SCN2A: variants seen among roughly 807,000 people sequenced by gnomAD.
SCN2A encodes sodium channel protein type 2 subunit alpha.
SCN2A carries 20 observed loss-of-function variants against 188.7 expected under a neutral mutation model. The ratio of observed to expected loss-of-function variants is 0.11; its 90% CI spans 0.07 to 0.15. The LOEUF is 0.15. Among genes scored for constraint, SCN2A ranks in the 10% least tolerant of loss-of-function variants. The pLI is 1.00. For synonymous variants in SCN2A, 804 were observed against 833.1 expected (o/e 0.97, Z 0.60); for missense variants, 1,278 against 2,445.0 (o/e 0.52, Z 10.07).
intron 1 of SCN2A, among the ~76,000 whole-genome samples, chr2:165,257,583 G>C (rs1694384044): frequency 6.6e-6 from 1 of 152,066 alleles, no homozygotes; most frequent in Admixed American, 6.5e-5. Flanking sequence ...CTGTCACCCA[G>C]GCTGGAGTGC....
chr2:165,341,232 T>A (rs535783285), intron 14 of SCN2A, among the ~76,000 whole-genome samples: 101 of 152,272 alleles, frequency 6.6e-4, no homozygotes, highest in African/African-American at 2.2e-3. Context: ...TAGCTAAGAC[T>A]ACAGGCGCCC....
intron 1 of SCN2A, among the ~76,000 whole-genome samples, chr2:165,247,551 G>T (rs546359918): frequency 1.3e-5 from 2 of 152,136 alleles, no homozygotes; most frequent in South Asian, 2.1e-4. Flanking sequence ...ACTGCCTTCC[G>T]TTGGATTTCA....
chr2:165,295,008 T>A (rs1381323393), intron 1 of SCN2A, among the ~76,000 whole-genome samples: 3 of 152,214 alleles, frequency 2.0e-5, no homozygotes, highest in African/African-American at 7.2e-5. Flanking sequence ...ACTGCAAATG[T>A]GTTAATTTAA....
intron 1 of SCN2A, among the ~76,000 whole-genome samples, chr2:165,262,329 T>G (rs1457849973): frequency 6.6e-6 from 1 of 152,166 alleles, no homozygotes; most frequent in Non-Finnish European, 1.5e-5. Context: ...ACCCAAGCAG[T>G]GTACACTGTA....
rs927855958 is a variant in SCN2A, at chr2:165,277,723, A to G, written c.-51-18050A>G. 2.6e-4 allele frequency among the ~76,000 whole-genome samples: 40 copies of G among 152,190 alleles called. 1 individual carries two copies. Among genetic ancestry groups the G allele is most frequent in the African/African-American group, 9.7e-4 (40 of 41,438 alleles). Reference sequence around the variant, plus strand: ...GCCTGGTCTGTTTTAATTTACTTCAACATATTTTATCAACATTTTGCTTTC... The same window carrying G: ...GCCTGGTCTGTTTTAATTTACTTCAGCATATTTTATCAACATTTTGCTTTC... On this transcript the variant is annotated intron_variant, in intron 1 of 26. Coordinates refer to ENST00000375437, the MANE Select transcript of SCN2A (RefSeq NM_001040142.2).
intron 1 of SCN2A, among the ~76,000 whole-genome samples, chr2:165,252,272 T>C (rs1694129701): frequency 6.6e-6 from 1 of 152,072 alleles, no homozygotes; most frequent in Non-Finnish European, 1.5e-5. Flanking sequence ...CTTAATACTT[T>C]GGAAAAAGTA....
In SCN2A at chr2:165,258,899, C is replaced by T. The variant is rs556840878; in HGVS notation, c.-52+19259C>T. 1.1e-4 allele frequency among the ~76,000 whole-genome samples: 16 copies of T among 152,176 alleles called. No individual in the cohort carries two copies. In the South Asian group the frequency reaches 3.3e-3, roughly 32 times the overall value. ...GCTAAACAGTGAGAACTCATGGACA[C>T]AAAGAGGGGAACAATAGGCACTGGG... On this transcript the variant is annotated intron_variant, in intron 1 of 26. Transcript: ENST00000375437.
intron 23 of SCN2A, among the ~76,000 whole-genome samples, chr2:165,377,995 T>C (rs1701399796): frequency 1.3e-5 from 2 of 151,822 alleles, no homozygotes; most frequent in South Asian, 4.1e-4. Flanking sequence ...TTTTTATCTG[T>C]AATATATTTC....
intron 17 of SCN2A, among the ~76,000 whole-genome samples, chr2:165,359,581 C>T (rs191919732): frequency 2.0e-5 from 3 of 152,046 alleles, no homozygotes; most frequent in Non-Finnish European, 4.4e-5. Context: ...TGTCCACTTC[C>T]TAAAAAAATA....
intron 23 of SCN2A, among the ~76,000 whole-genome samples, 181 bp from the exon 24 acceptor site, chr2:165,380,411 G>A (rs1701540849): frequency 1.3e-5 from 2 of 151,720 alleles, no homozygotes; most frequent in African/African-American, 4.8e-5. Context: ...CCCAGGTAAT[G>A]AATAGTCTTG....
chr2:165,366,425 CG>C (rs1466505202), intron 18 of SCN2A, among the ~76,000 whole-genome samples: 21 of 152,008 alleles, frequency 1.4e-4, no homozygotes, highest in Non-Finnish European at 2.9e-5. Context: ...TTAAAGCAAA[CG>C]AAGTATTCAA....
intron 1 of SCN2A, among the ~76,000 whole-genome samples, chr2:165,265,471 C>CCA (rs1553560051): frequency 2.8e-4 from 8 of 29,020 alleles, no homozygotes; most frequent in Non-Finnish European, 3.9e-4. Context: ...CTCTGTTGAT[C>CCA]TATATATATA....
intron 11 of SCN2A, among the ~76,000 whole-genome samples, chr2:165,321,633 G>A (rs552165337): frequency 3.9e-5 from 6 of 152,298 alleles, no homozygotes; most frequent in Admixed American, 3.9e-4. Context: ...CAGGCAAAGA[G>A]AGAGTGAGAG....
Position 165,391,525 on chromosome 2 carries a change from C to G in SCN2A, c.*1701C>G, listed in dbSNP as rs569777933. 7.2e-5 allele frequency: 11 copies of G among 152,574 alleles called. No homozygotes were observed. The highest frequency in any genetic ancestry group is 2.4e-4 in the African/African-American group (10 of 41,534). The allele number at this position is 152,574 out of a possible 1,614,324, so 9.5% of individuals were successfully genotyped here. ...CACTTCACAAAATAAGAAGCAAGGA[C>G]TAGGATGCAGTGTAGGTTTCTGCTT... On this transcript the variant is annotated 3_prime_UTR_variant, in exon 27 of 27. Transcript: ENST00000375437.
rs1285000878 is a variant in SCN2A at position 165,315,847 on chromosome 2, C to G, written c.1671+89C>G. ...TAATGGAGAGAAAACCGCCTTCCAC[C>G]TGGATGGCACAATGCTTTCAGAGTA... On this transcript the variant is annotated intron_variant, in intron 11 of 26. Transcript: ENST00000375437. The G allele has an allele frequency of 4.4e-6, 6 of 1,354,014 alleles. No homozygotes were observed. In the African/African-American group the frequency reaches 7.3e-5, roughly 16 times the overall value. The allele number at this position is 1,354,014 out of a possible 1,614,324, so 83.9% of individuals were successfully genotyped here.
chr2:165,344,475 T>C (rs1559376525), intron 15 of SCN2A, 80 bp from the exon 16 acceptor site: 5 of 884,668 alleles, frequency 5.7e-6, no homozygotes, highest in Non-Finnish European at 7.7e-6. Context: ...AAATAAAAAA[T>C]AAAAAAATAA....
intron 4 of SCN2A, 90 bp downstream of exon 4, chr2:165,308,027 A>G: frequency 1.1e-6 from 1 of 877,466 alleles, no homozygotes; most frequent in Non-Finnish European, 1.9e-6. Context: ...TCTTTAACAA[A>G]TCATGCTAGC....
At chr2:165,291,450 C>CTT (rs1199834886) in intron 1 of SCN2A, among the ~76,000 whole-genome samples, 1 of 27,110 alleles carries the variant, frequency 3.7e-5, no homozygotes, top group Admixed American at 4.3e-4. Context: ...TTCTTTCTTT[C>CTT]TTTCTTTCTT....
intron 1 of SCN2A, among the ~76,000 whole-genome samples, chr2:165,242,950 C>T (rs749988769): frequency 1.3e-5 from 2 of 152,104 alleles, no homozygotes; most frequent in Non-Finnish European, 2.9e-5. Flanking sequence ...CAGTTTGTTC[C>T]TCAGTAAAGG....
Sources: gnomAD v4.1 joint callset for allele counts (sites outside exome capture counted in the v4.1 genomes callset) on GRCh38, gnomAD v4.1.1 for gene constraint, MANE v1.5 for transcripts, NCBI Gene and HGNC (gene_info 2026-07-23, HGNC 2026-07-21) for gene names.